Variants in KIF15 observed in about 807,000 individuals in gnomAD.
KIF15 encodes kinesin family member 15, also known as kinesin-like protein KIF15.
In KIF15, 140 loss-of-function variants were observed where a neutral mutation model predicts 190.6. That is an observed-to-expected ratio of 0.73 (90% CI 0.64 to 0.84). The LOEUF is 0.84. Among genes scored for constraint, KIF15 ranks in the 40% least tolerant of loss-of-function variants. The pLI is 0.00. For synonymous variants in KIF15, 528 were observed against 551.3 expected (o/e 0.96, Z 0.59); for missense variants, 1,372 against 1,584.4 (o/e 0.87, Z 2.28).
At chr3:44,834,975 T>C (rs769230278) in intron 26 of KIF15, among the ~76,000 whole-genome samples, 14 of 148,650 alleles carry the variant, frequency 9.4e-5, no homozygotes, top group Non-Finnish European at 2.1e-4. Flanking sequence ...GATTATTATA[T>C]AATATTATGT....
chr3:44,800,689 ATCTACT>A (rs1358487686), intron 11 of KIF15, among the ~76,000 whole-genome samples: 2 of 152,360 alleles, frequency 1.3e-5, no homozygotes, highest in East Asian at 1.9e-4. Context: ...TTTCATTTAG[ATCTACT>A]TCTACGTAGC....
chr3:44,825,943 G>C, intron 20 of KIF15, 96 bp from the exon 21 acceptor site: 6 of 1,088,312 alleles, frequency 5.5e-6, no homozygotes, highest in Non-Finnish European at 7.9e-6. Flanking sequence ...AGTTGGGAAT[G>C]GGCTGTAGAT....
chr3:44,794,181 C>A, intron 7 of KIF15, 36 bp from the exon 8 acceptor site: 1 of 1,552,532 alleles, frequency 6.4e-7, no homozygotes, highest in Non-Finnish European at 8.8e-7. Flanking sequence ...GTAACTGGTC[C>A]TCTCATTTCT....
At chr3:44,803,624 A>G (rs1707374312) in intron 14 of KIF15, among the ~76,000 whole-genome samples, 1 of 152,126 alleles carries the variant, frequency 6.6e-6, no homozygotes, top group South Asian at 2.1e-4. Context: ...TAGAGTTAAT[A>G]TTTTCACGGT....
At chr3:44,867,650 G>A (rs902598451) in intron 6 of KIF15, among the ~76,000 whole-genome samples, 3 of 151,814 alleles carry the variant, frequency 2.0e-5, no homozygotes, top group Non-Finnish European at 4.4e-5. Context: ...GCCTGTATTT[G>A]TACAAGATGT....
chr3:44,852,747 A>C lies in KIF15; in HGVS notation c.*12A>C. 1.3e-6 allele frequency: 2 copies of C among 1,588,524 alleles called. No homozygotes were observed. Among genetic ancestry groups the C allele is most frequent in the Non-Finnish European group, 1.7e-6 (2 of 1,170,536 alleles). ...GAAGTGAATCTTGAGGATTCCGGTC[A>C]GCTACCTAGGCATCACCTTGTTTGA... is the stretch of plus-strand genomic sequence containing the variant. On this transcript the variant is annotated 3_prime_UTR_variant, in exon 35 of 35. Coordinates refer to ENST00000326047, the MANE Select transcript of KIF15 (RefSeq NM_020242.3).
chr3:44,765,120 T>C (rs1235128642), intron 1 of KIF15, among the ~76,000 whole-genome samples: 1 of 152,256 alleles, frequency 6.6e-6, no homozygotes, highest in African/African-American at 2.4e-5. Context: ...TTAGAAATAA[T>C]GCCAGAACTA....
chr3:44,861,928 G>C (rs777018297), intron 6 of KIF15: 3 of 1,444,230 alleles, frequency 2.1e-6, no homozygotes, highest in Non-Finnish European at 2.7e-6. Context: ...AGGCAACATG[G>C]CCGAGAGGCC....
chr3:44,867,057 C>A (rs1313705577), intron 6 of KIF15, among the ~76,000 whole-genome samples: 4 of 152,150 alleles, frequency 2.6e-5, no homozygotes, highest in Non-Finnish European at 5.9e-5. Flanking sequence ...CCAGCCAACC[C>A]GTGAGGGAGT....
At chr3:44,809,722 G>A (rs1707701864) in intron 16 of KIF15, among the ~76,000 whole-genome samples, 1 of 152,022 alleles carries the variant, frequency 6.6e-6, no homozygotes, top group Non-Finnish European at 1.5e-5. Context: ...ATGGTGGTGT[G>A]CACCTTTGGT....
chr3:44,862,766 A>G (rs906120816), intron 6 of KIF15: 1 of 151,788 alleles, frequency 6.6e-6, no homozygotes, highest in Non-Finnish European at 1.5e-5. Context: ...TCTGCTTGCT[A>G]TAGGGGTTTC....
At chr3:44,764,932 C>T (rs901525279) in intron 1 of KIF15, among the ~76,000 whole-genome samples, 1 of 152,222 alleles carries the variant, frequency 6.6e-6, no homozygotes, top group African/African-American at 2.4e-5. Context: ...CCACTGCACC[C>T]AGCCTAGACT....
intron 27 of KIF15, 90 bp downstream of exon 27, chr3:44,838,511 A>C (rs953768888): frequency 7.4e-7 from 1 of 1,344,304 alleles, no homozygotes; most frequent in African/African-American, 1.5e-5. Flanking sequence ...TGAGAGGCCA[A>C]GGGGGTGGAC....
At chr3:44,827,049 A>G (rs1161005065) in intron 22 of KIF15, 4 of 456,614 alleles carry the variant, frequency 8.8e-6, no homozygotes, top group East Asian at 6.9e-5. Flanking sequence ...GAGACAAGCA[A>G]TTGACATTTA....
intron 14 of KIF15, among the ~76,000 whole-genome samples, chr3:44,804,261 T>A (rs1031240425): frequency 6.6e-6 from 1 of 152,232 alleles, no homozygotes; most frequent in African/African-American, 2.4e-5. Context: ...GATACTAATG[T>A]CTGGATCTCA....
rs1029121271 is a variant in KIF15, at chr3:44,831,139, T to G, written c.3171+121T>G. ...TTTAAAGAAATAATTCTTATACAGC[T>G]GATGTGCCTCAAGACGCTTCACTAC... On this transcript the variant is annotated intron_variant, in intron 26 of 34. Transcript: ENST00000326047. The G allele has an allele frequency of 9.5e-6, 11 of 1,163,628 alleles. No individual in the cohort carries two copies. The African/African-American group carries it at 1.6e-4, about 16-fold the overall frequency. The allele number at this position is 1,163,628 out of a possible 1,614,324, so 72.1% of individuals were successfully genotyped here.
chr3:44,762,108 G>A (rs1242410997), intron 1 of KIF15, among the ~76,000 whole-genome samples: 2 of 152,196 alleles, frequency 1.3e-5, no homozygotes. Flanking sequence ...CAGGAGTCTG[G>A]CGCAGTTCTA....
At chr3:44,770,893 C>T (rs1305365595) in intron 1 of KIF15, among the ~76,000 whole-genome samples, 2 of 152,138 alleles carry the variant, frequency 1.3e-5, no homozygotes. Context: ...TGGCAATGGT[C>T]CAAGCGAAAG....
chr3:44,782,646 G>A (rs1243689223), intron 5 of KIF15, among the ~76,000 whole-genome samples: 1 of 152,170 alleles, frequency 6.6e-6, no homozygotes, highest in African/African-American at 2.4e-5. Flanking sequence ...CAATGTAAAG[G>A]GATGGAAAAA....
Sources: allele counts gnomAD v4.1 joint callset (sites outside exome capture counted in the v4.1 genomes callset), GRCh38; gene constraint gnomAD v4.1.1; transcripts MANE v1.5; gene names NCBI Gene and HGNC (gene_info 2026-07-23, HGNC 2026-07-21).